DENND5B: variants seen among roughly 807,000 people sequenced by gnomAD.
The protein encoded by DENND5B is DENN domain containing 5B.
In DENND5B, 34 loss-of-function variants were observed where a neutral mutation model predicts 140.6. The ratio of observed to expected loss-of-function variants is 0.24; its 90% confidence interval spans 0.18 to 0.32. The LOEUF is 0.32. Among genes scored for constraint, DENND5B ranks in the 10% least tolerant of loss-of-function variants. The pLI is 1.00. For synonymous variants in DENND5B, 551 were observed against 562.1 expected, an observed-to-expected ratio of 0.98 and a Z score of 0.28; for missense variants, 1,142 against 1,560.2, an observed-to-expected ratio of 0.73 and a Z score of 4.52.
chr12:31,425,362 G>A (rs1943186292), intron 9 of DENND5B, among the ~76,000 whole-genome samples: 1 of 152,128 alleles, frequency 6.6e-6, no homozygotes, highest in African/African-American at 2.4e-5. Flanking sequence ...GTCAGAATAT[G>A]GAACCCCATC....
chr12:31,444,034 A>C (rs2138004570), intron 6 of DENND5B: 1 of 152,306 alleles, frequency 6.6e-6, no homozygotes, highest in Non-Finnish European at 1.5e-5. Flanking sequence ...AATAAATAAA[A>C]CCTGATCTTA....
chr12:31,547,637 C>G (rs1371280323), intron 1 of DENND5B, among the ~76,000 whole-genome samples: 1 of 151,980 alleles, frequency 6.6e-6, no homozygotes, highest in Admixed American at 6.6e-5. Context: ...ACCTCGTGAT[C>G]CACTCGCCCC....
chr12:31,443,484 G>A (rs1027543680), intron 6 of DENND5B, among the ~76,000 whole-genome samples: 1 of 152,080 alleles, frequency 6.6e-6, no homozygotes, highest in African/African-American at 2.4e-5. Context: ...TTCTGCCTTT[G>A]TCAAAATCAG....
chr12:31,495,806 A>AT lies in DENND5B; in HGVS notation c.237+3dup. On this transcript the variant is annotated splice_donor_region_variant and intron_variant, in intron 2 of 20. Coordinates refer to ENST00000389082, the MANE Select transcript of DENND5B (RefSeq NM_144973.4). ...GAGTAAATGAGGGGAAAAAAAACAC[A>AT]TACCATGTTCACCGCATCTTGATCA... The AT allele has an allele frequency of 6.2e-7, 1 of 1,601,338 alleles. No individual in the cohort carries two copies. The highest frequency in any genetic ancestry group is 8.5e-7 in the Non-Finnish European group (1 of 1,173,436).
intron 6 of DENND5B, among the ~76,000 whole-genome samples, chr12:31,446,448 C>T (rs1944279203): frequency 6.6e-6 from 1 of 152,088 alleles, no homozygotes; most frequent in Admixed American, 6.5e-5. Context: ...CACGCCCAGC[C>T]TGAGTCAGAT....
At position 31,449,887 on chromosome 12, in the gene DENND5B, C is replaced by T. The variant is rs533328569; in HGVS notation, c.1629+2053G>A. Among the ~76,000 whole-genome samples, 10 of 151,994 alleles carry T rather than the reference C, an allele frequency of 6.6e-5. No homozygotes were observed. In the East Asian group the frequency reaches 1.7e-3, roughly 27 times the overall value. ...CTGGGACTATAGGTGCCTGCCACCA[C>T]GCCCGGCTAATTTTTTTGTATTTTT... On this transcript the variant is annotated intron_variant, in intron 5 of 20. Transcript: ENST00000389082.
chr12:31,418,282 C>CTCT (rs1942856437), intron 11 of DENND5B, among the ~76,000 whole-genome samples: 1 of 133,066 alleles, frequency 7.5e-6, no homozygotes, highest in African/African-American at 2.8e-5. Flanking sequence ...TTTTTCTTTT[C>CTCT]TTTTTTTTTT....
At chr12:31,452,721 T>C (rs902115153) in intron 4 of DENND5B, among the ~76,000 whole-genome samples, 12 of 152,198 alleles carry the variant, frequency 7.9e-5, no homozygotes, top group African/African-American at 2.9e-4. Context: ...TGGTGCCTTT[T>C]ATGTTAATCT....
rs1591872604 is a variant in DENND5B, at chr12:31,476,708, A to C, written c.904+2881T>G. Among the ~76,000 whole-genome samples, 5 of 152,216 alleles carry C rather than the reference A, an allele frequency of 3.3e-5. No homozygotes were observed. In the South Asian group the frequency reaches 1.0e-3, roughly 32 times the overall value. On this transcript the variant is annotated intron_variant, in intron 3 of 20. Transcript: ENST00000389082. ...GATGGGAGGATGGTGTGAGCTGAGGAGTTTGAGGCTGCAGTGTGCTAAGAC... is the reference window on the plus strand; with the variant it reads ...GATGGGAGGATGGTGTGAGCTGAGGCGTTTGAGGCTGCAGTGTGCTAAGAC...
chr12:31,564,463 G>A (rs1340113678), intron 1 of DENND5B, among the ~76,000 whole-genome samples: 1 of 151,874 alleles, frequency 6.6e-6, no homozygotes, highest in African/African-American at 2.4e-5. Context: ...TTCACTTGCA[G>A]CTGGCTAACA....
At chr12:31,391,694 C>T (rs998178152) in intron 19 of DENND5B, among the ~76,000 whole-genome samples, 1 of 152,040 alleles carries the variant, frequency 6.6e-6, no homozygotes, top group Non-Finnish European at 1.5e-5. Context: ...ACTCTGTCGC[C>T]CAGGCTGGAG....
chr12:31,585,074 A>G (rs947332516), intron 1 of DENND5B, among the ~76,000 whole-genome samples: 4 of 152,070 alleles, frequency 2.6e-5, no homozygotes, highest in African/African-American at 9.7e-5. Context: ...GAACTCACCC[A>G]TTACCTCTAG....
chr12:31,395,591 TCAAAA>T (rs576069008), intron 17 of DENND5B, among the ~76,000 whole-genome samples: 3 of 151,218 alleles, frequency 2.0e-5, no homozygotes, highest in East Asian at 1.9e-4. Context: ...GAAAACTCAG[TCAAAA>T]CAAAACAAAA....
At chr12:31,564,723 G>A (rs1445735785) in intron 1 of DENND5B, among the ~76,000 whole-genome samples, 9 of 151,714 alleles carry the variant, frequency 5.9e-5, no homozygotes, top group Non-Finnish European at 8.8e-5. Context: ...AGAGTAGCTG[G>A]GACTACAGGT....
rs1468455255 is a variant in DENND5B, at chr12:31,382,565, T to C, written c.*5038A>G. On this transcript the variant is annotated 3_prime_UTR_variant, in exon 21 of 21. Transcript: ENST00000389082. ...GATTGACAACAGGAACTCCTTACTATACTTCTCTACTGTTGACAAGATTTG... is the reference window on the plus strand; with the variant it reads ...GATTGACAACAGGAACTCCTTACTACACTTCTCTACTGTTGACAAGATTTG... 6.6e-6 allele frequency: 1 copy of C among 152,206 alleles called. No homozygotes were observed. Among genetic ancestry groups the C allele is most frequent in the East Asian group, 1.9e-4 (1 of 5,202 alleles). The allele number at this position is 152,206 out of a possible 1,614,324, so 9.4% of individuals were successfully genotyped here. A position where few individuals can be genotyped will look rare whatever the true frequency, so the allele number is the denominator to read the frequency against.
intron 13 of DENND5B, among the ~76,000 whole-genome samples, chr12:31,411,695 G>A (rs2137548391): frequency 6.6e-6 from 1 of 152,124 alleles, no homozygotes; most frequent in Non-Finnish European, 1.5e-5. Context: ...AGAAAACAAG[G>A]TCAGATTCAC....
intron 2 of DENND5B, among the ~76,000 whole-genome samples, chr12:31,485,035 T>C (rs931457458): frequency 1.3e-5 from 2 of 152,168 alleles, no homozygotes; most frequent in African/African-American, 4.8e-5. Flanking sequence ...GGTCACTGTT[T>C]GGTGGCCTGC....
At chr12:31,395,537 G>A (rs1289085815) in intron 17 of DENND5B, among the ~76,000 whole-genome samples, 1 of 152,102 alleles carries the variant, frequency 6.6e-6, no homozygotes, top group East Asian at 1.9e-4. Flanking sequence ...AGGTTGCAGT[G>A]AGATGAGACC....
At chr12:31,432,414 G>A (rs1268664772) in intron 8 of DENND5B, 1 of 152,076 alleles carries the variant, frequency 6.6e-6, no homozygotes, top group African/African-American at 2.4e-5. Flanking sequence ...TTACAAATTT[G>A]ATACTAGAAA....
Sources: allele counts gnomAD v4.1 joint callset (sites outside exome capture counted in the v4.1 genomes callset), GRCh38; gene constraint gnomAD v4.1.1; transcripts MANE v1.5; gene names NCBI Gene and HGNC (gene_info 2026-07-23, HGNC 2026-07-21).